Variants in SEPTIN9 observed in about 807,000 individuals in gnomAD.
The protein encoded by SEPTIN9 is septin 9.
A neutral mutation model predicts 56.6 loss-of-function variants in SEPTIN9; 13 were observed. The observed-to-expected ratio is 0.23, with a 90% CI of 0.15 to 0.37. The LOEUF is 0.37. Ranked by LOEUF, SEPTIN9 falls within the 10% of genes least tolerant of loss-of-function variation. The pLI is 1.00. For missense variants in SEPTIN9, 650 were observed against 823.1 expected, an observed-to-expected ratio of 0.79 and a Z score of 2.57; for synonymous variants, 332 against 334.1, an observed-to-expected ratio of 0.99 and a Z score of 0.07.
At chr17:77,295,759 C>T (rs1402619470) in intron 1 of SEPTIN9, among the ~76,000 whole-genome samples, 2 of 151,494 alleles carry the variant, frequency 1.3e-5, no homozygotes, top group Non-Finnish European at 2.9e-5. Flanking sequence ...GGAAGAGGAA[C>T]CTTGTTCCCG....
chr17:77,450,495 G>A lies in SEPTIN9; in HGVS notation c.722-31649G>A. Reference sequence around the variant, plus strand: ...GCCCACTCCCAGGCGCTCTCTCCTAGTGTGGGAGTGGCCACGCCCCTGCTG... The same window carrying A: ...GCCCACTCCCAGGCGCTCTCTCCTAATGTGGGAGTGGCCACGCCCCTGCTG... On this transcript the variant is annotated intron_variant, in intron 3 of 11. Transcript: ENST00000427177. The surrounding 1 kb of genome is among the most constrained non-coding windows in gnomAD (Gnocchi z 6.0). 1 of 985,480 alleles carries A rather than the reference G, an allele frequency of 1.0e-6. No homozygotes were observed. The highest frequency in any genetic ancestry group is 1.2e-6 in the Non-Finnish European group (1 of 829,964). The allele number at this position is 985,480 out of a possible 1,614,324, so 61.0% of individuals were successfully genotyped here.
rs1302857995 is a variant in SEPTIN9 at position 77,402,765 on chromosome 17, G to T, written c.721+62G>T. ...AATGGGGGGCCTGGTTGCTGGCTTT[G>T]CCACAGAATCTTGGAGGAAGAAGCT... is the stretch of plus-strand genomic sequence containing the variant. On this transcript the variant is annotated intron_variant, in intron 3 of 11. Transcript: ENST00000427177. The surrounding 1 kb of genome is among the most constrained non-coding windows in gnomAD (Gnocchi z 6.6). 1 of 1,485,630 alleles carries T rather than the reference G, an allele frequency of 6.7e-7. No homozygotes were observed. Among genetic ancestry groups the T allele is most frequent in the East Asian group, 2.3e-5 (1 of 43,866 alleles). 92.0% of individuals were successfully genotyped at this position (1,485,630 alleles called of 1,614,324 possible).
At chr17:77,328,086 A>T (rs1372232362) in intron 2 of SEPTIN9, among the ~76,000 whole-genome samples, 1 of 141,928 alleles carries the variant, frequency 7.0e-6, no homozygotes, top group Non-Finnish European at 1.5e-5. Flanking sequence ...TATCCAGAGC[A>T]TCCCCATGCC....
intron 11 of SEPTIN9, 114 bp from the exon 12 acceptor site, chr17:77,498,409 T>C (rs1157426011): frequency 1.6e-6 from 1 of 638,186 alleles, no homozygotes; most frequent in Non-Finnish European, 2.7e-6. Context: ...GGATGGGGAG[T>C]GGGGGTGGGG....
chr17:77,478,401 G>A (rs981870773), intron 3 of SEPTIN9, among the ~76,000 whole-genome samples: 2 of 152,202 alleles, frequency 1.3e-5, no homozygotes, highest in African/African-American at 4.8e-5. Context: ...AGAATGCACA[G>A]CATCTTAAAG....
rs867301415 is a variant in SEPTIN9 at position 77,327,313 on chromosome 17, G to A, written c.76+20116G>A. Among the ~76,000 whole-genome samples, 4 of 152,120 alleles carry A rather than the reference G, an allele frequency of 2.6e-5. No homozygotes were observed. The highest frequency in any genetic ancestry group is 2.1e-4 in the South Asian group (1 of 4,826). Reference sequence around the variant, plus strand: ...CTTGCTCACTCCAGCTTCCTGGCCCGTCTCTTGCTCTGGGCACCCCCCCAC... The same window carrying A: ...CTTGCTCACTCCAGCTTCCTGGCCCATCTCTTGCTCTGGGCACCCCCCCAC... On this transcript the variant is annotated intron_variant, in intron 2 of 11. Coordinates refer to ENST00000427177, the MANE Select transcript of SEPTIN9 (RefSeq NM_001113491.2). The surrounding 1 kb of genome is among the most constrained non-coding windows in gnomAD (Gnocchi z 5.0).
intron 1 of SEPTIN9, among the ~76,000 whole-genome samples, chr17:77,302,975 G>C (rs529841448): frequency 6.6e-6 from 1 of 152,032 alleles, no homozygotes; most frequent in Non-Finnish European, 1.5e-5. Flanking sequence ...TCCTGTCTTC[G>C]GCATCTGCTC....
At chr17:77,481,871 G>A (rs892574415) in intron 3 of SEPTIN9, 3 of 526,890 alleles carry the variant, frequency 5.7e-6, no homozygotes, top group African/African-American at 3.8e-5. Flanking sequence ...ACAGCTCCTA[G>A]AAGAGGAGAT....
intron 3 of SEPTIN9, among the ~76,000 whole-genome samples, chr17:77,447,686 G>A (rs903018926): frequency 2.0e-5 from 3 of 152,256 alleles, no homozygotes; most frequent in African/African-American, 4.8e-5. Context: ...GTGCAGTGGC[G>A]TGATCTCAGC....
At chr17:77,382,989 CTT>C (rs936887723) in intron 2 of SEPTIN9, among the ~76,000 whole-genome samples, 1 of 152,078 alleles carries the variant, frequency 6.6e-6, no homozygotes, top group Non-Finnish European at 1.5e-5. Flanking sequence ...GGGAGGAACT[CTT>C]TCTCCAGCCC....
chr17:77,491,110 C>G (rs117756959), intron 8 of SEPTIN9, among the ~76,000 whole-genome samples: 257 of 152,322 alleles, frequency 1.7e-3, no homozygotes, highest in Admixed American at 3.9e-3. Context: ...CCAGCAGAGT[C>G]TCTGAGGGGG....
intron 2 of SEPTIN9, among the ~76,000 whole-genome samples, chr17:77,364,289 A>G (rs2034507195): frequency 6.6e-6 from 1 of 152,222 alleles, no homozygotes; most frequent in Non-Finnish European, 1.5e-5. Context: ...GGGGTGCGGC[A>G]TGGGGGCACT....
intron 3 of SEPTIN9, among the ~76,000 whole-genome samples, chr17:77,467,278 G>A (rs1280798134): frequency 5.3e-5 from 8 of 152,366 alleles, no homozygotes; most frequent in Non-Finnish European, 7.3e-5. Flanking sequence ...AGCGTGGGGA[G>A]TGGCCTGGCC....
chr17:77,365,982 G>C (rs1309899042), intron 2 of SEPTIN9, among the ~76,000 whole-genome samples: 1 of 152,124 alleles, frequency 6.6e-6, no homozygotes, highest in Non-Finnish European at 1.5e-5. Context: ...CACAGAGCAG[G>C]GTGCCTTCTT....
At chr17:77,490,612 T>C (rs2143386158) in intron 7 of SEPTIN9, 130 bp from the exon 8 acceptor site, 1 of 727,082 alleles carries the variant, frequency 1.4e-6, no homozygotes, top group Middle Eastern at 3.1e-4. Flanking sequence ...CCCGGGGCCC[T>C]GTCCTTGCCA....
intron 2 of SEPTIN9, among the ~76,000 whole-genome samples, chr17:77,359,837 A>AT (rs939454410): frequency 9.9e-5 from 15 of 151,662 alleles, no homozygotes; most frequent in Admixed American, 7.2e-4. Flanking sequence ...ATGGAAAAAA[A>AT]ATCATGAGCA....
rs375758542 is a variant in SEPTIN9 at position 77,475,756 on chromosome 17, C to T, written c.722-6388C>T. On this transcript the variant is annotated intron_variant, in intron 3 of 11. Transcript: ENST00000427177. The surrounding 1 kb of genome is among the most constrained non-coding windows in gnomAD (Gnocchi z 4.6). ...CAGCTGTAGATGCCGGCAGCTTTCT[C>T]CTGGACACGGGCCTGGAAGGCTGAC... is the stretch of plus-strand genomic sequence containing the variant. 3 of 1,613,052 alleles carry T rather than the reference C, an allele frequency of 1.9e-6. No homozygotes were observed. The highest frequency in any genetic ancestry group is 2.5e-6 in the Non-Finnish European group (3 of 1,179,892).
At chr17:77,390,614 G>A (rs1220670505) in intron 2 of SEPTIN9, among the ~76,000 whole-genome samples, 1 of 151,784 alleles carries the variant, frequency 6.6e-6, no homozygotes, top group Non-Finnish European at 1.5e-5. Context: ...ACCACGCCCG[G>A]CTAATTTTTT....
At chr17:77,350,940 G>T (rs1598234088) in intron 2 of SEPTIN9, among the ~76,000 whole-genome samples, 1 of 151,712 alleles carries the variant, frequency 6.6e-6, no homozygotes, top group Admixed American at 6.6e-5. Context: ...CTGCAGGGGG[G>T]TGTGTGTGCC....
Sources: allele counts gnomAD v4.1 joint callset (sites outside exome capture counted in the v4.1 genomes callset), GRCh38; gene constraint gnomAD v4.1.1; non-coding constraint Gnocchi (gnomAD v3.1); transcripts MANE v1.5; gene names NCBI Gene and HGNC (gene_info 2026-07-23, HGNC 2026-07-21).